TMPRSS2: variants seen among roughly 807,000 people sequenced by gnomAD.
The protein encoded by TMPRSS2 is transmembrane protease serine 2.
TMPRSS2 carries 59 observed loss-of-function variants against 67.4 expected under a neutral mutation model. The observed-to-expected ratio is 0.88, with a 90% CI of 0.71 to 1.09. The LOEUF (loss-of-function observed/expected upper bound fraction) is 1.09, where lower values mean the gene tolerates loss of function less well. Among genes scored for constraint, TMPRSS2 ranks in the 50% least tolerant of loss-of-function variants. The pLI is 0.00. For missense variants in TMPRSS2, 668 were observed against 642.7 expected (o/e 1.04, Z -0.43); for synonymous variants, 257 against 257.0 (o/e 1.00, Z 0.00).
At chr21:41,492,760 G>C (rs551122576) in intron 3 of TMPRSS2, among the ~76,000 whole-genome samples, 103 of 152,278 alleles carry the variant, frequency 6.8e-4, no homozygotes, top group Admixed American at 1.4e-3. Flanking sequence ...CCCAGGAAAC[G>C]TGGAAATGTG....
intron 4 of TMPRSS2, 79 bp from the exon 5 acceptor site, chr21:41,488,592 A>G: frequency 6.7e-7 from 1 of 1,488,248 alleles, no homozygotes; most frequent in African/African-American, 1.4e-5. Flanking sequence ...ACACCGTGGC[A>G]TTACTGTAGC....
At position 41,488,526 on chromosome 21, in the gene TMPRSS2, A is replaced by G. The variant is rs1216621147; in HGVS notation, c.326-13T>C. 1 of 1,608,484 alleles carries G rather than the reference A, an allele frequency of 6.2e-7. No homozygotes were observed. Among genetic ancestry groups the G allele is most frequent in the Admixed American group, 1.7e-5 (1 of 59,492 alleles). On this transcript the variant is annotated splice_polypyrimidine_tract_variant and intron_variant, in intron 4 of 13. Transcript: ENST00000332149. ...CACTTGCTGCCCACTTGCAGAGAAA[A>G]CAGAAGAGAGGTGCCCTTCAGGCTG...
rs776509121 is a variant in TMPRSS2, at chr21:41,478,705, G to A, written c.683+467C>T. On this transcript the variant is annotated intron_variant, in intron 7 of 13. Coordinates refer to ENST00000332149, the MANE Select transcript of TMPRSS2 (RefSeq NM_005656.4). The surrounding 1 kb of genome is among the most constrained non-coding windows in gnomAD (Gnocchi z 4.0). Reference sequence around the variant, plus strand: ...CTGCTGTCCCGGGGTTGGGGCTAACGGGACCAGCCAGCCCAGCTGCCTGGA... The same window carrying A: ...CTGCTGTCCCGGGGTTGGGGCTAACAGGACCAGCCAGCCCAGCTGCCTGGA... Among the ~76,000 whole-genome samples, 2 of 152,092 alleles carry A rather than the reference G, an allele frequency of 1.3e-5. No individual in the cohort carries two copies. The highest frequency in any genetic ancestry group is 1.3e-4 in the Admixed American group (2 of 15,278).
chr21:41,479,418 G>A (rs2091239868), intron 6 of TMPRSS2, 136 bp from the exon 7 acceptor site: 7 of 654,100 alleles, frequency 1.1e-5, no homozygotes, highest in South Asian at 8.4e-5. Flanking sequence ...AAAATCACAC[G>A]TTCTAACCAA....
intron 3 of TMPRSS2, among the ~76,000 whole-genome samples, chr21:41,493,706 G>A (rs2091356209): frequency 6.6e-6 from 1 of 152,232 alleles, no homozygotes; most frequent in South Asian, 2.1e-4. Flanking sequence ...GGGGCGGACT[G>A]GAAAGACATG....
chr21:41,489,974 C>T (rs550222907), intron 3 of TMPRSS2, among the ~76,000 whole-genome samples: 1 of 152,038 alleles, frequency 6.6e-6, no homozygotes, highest in Admixed American at 6.5e-5. Flanking sequence ...ATGGTGAAAC[C>T]TCGTCTCTAC....
At chr21:41,475,128 T>A in intron 8 of TMPRSS2, among the ~76,000 whole-genome samples, 1 of 7,882 alleles carries the variant, frequency 1.3e-4, no homozygotes, top group African/African-American at 1.1e-3. Flanking sequence ...GGTGAAGGGG[T>A]GAGTGAGGGA....
At chr21:41,472,132 T>C (rs1241203862) in intron 9 of TMPRSS2, 151 bp from the exon 10 acceptor site, 1 of 615,744 alleles carries the variant, frequency 1.6e-6, no homozygotes, top group South Asian at 2.8e-5. Context: ...AGGTGCTCGG[T>C]CTCCCCTTCT....
In TMPRSS2 at chr21:41,483,154, A is replaced by T. The variant is rs191353873; in HGVS notation, c.446-2552T>A. Among the ~76,000 whole-genome samples, 7 of 152,296 alleles carry T rather than the reference A, an allele frequency of 4.6e-5. No homozygotes were observed. The East Asian group carries it at 1.4e-3, about 29-fold the overall frequency. ...AATGAACGCACAGCACTGATGTGGGATGTTCATAACAGGGCAACTGTGTGC... is the reference window on the plus strand; with the variant it reads ...AATGAACGCACAGCACTGATGTGGGTTGTTCATAACAGGGCAACTGTGTGC... On this transcript the variant is annotated intron_variant, in intron 5 of 13. Transcript: ENST00000332149.
At chr21:41,502,013 A>C (rs924173095) in intron 1 of TMPRSS2, among the ~76,000 whole-genome samples, 2 of 152,222 alleles carry the variant, frequency 1.3e-5, no homozygotes, top group Non-Finnish European at 2.9e-5. Flanking sequence ...CCTGGCTGGC[A>C]GGGAGCTCTT....
At chr21:41,500,192 C>T (rs556371948) in intron 1 of TMPRSS2, among the ~76,000 whole-genome samples, 8 of 152,354 alleles carry the variant, frequency 5.3e-5, no homozygotes, top group Admixed American at 2.0e-4. Flanking sequence ...GCCTCAGTTT[C>T]CCCATCTGCA....
At chr21:41,477,909 A>C (rs2091227622) in intron 7 of TMPRSS2, among the ~76,000 whole-genome samples, 1 of 151,720 alleles carries the variant, frequency 6.6e-6, no homozygotes, top group South Asian at 2.1e-4. Context: ...GATAGAATAG[A>C]GCCTACCAGA....
At chr21:41,496,096 G>A (rs1417028569) in intron 2 of TMPRSS2, among the ~76,000 whole-genome samples, 1 of 152,106 alleles carries the variant, frequency 6.6e-6, no homozygotes. Flanking sequence ...TAATTATAAT[G>A]AGAAGAATAA....
intron 8 of TMPRSS2, 68 bp downstream of exon 8, chr21:41,476,509 T>G (rs1601571202): frequency 6.7e-7 from 1 of 1,493,844 alleles, no homozygotes; most frequent in East Asian, 2.3e-5. Flanking sequence ...ACACAGGGAG[T>G]ACTGTTCTGA....
chr21:41,503,917 C>T (rs1260147885), intron 1 of TMPRSS2, among the ~76,000 whole-genome samples: 2 of 152,202 alleles, frequency 1.3e-5, no homozygotes, highest in Non-Finnish European at 2.9e-5. Context: ...CCCTAGAAAG[C>T]ATGGTCTCCC....
chr21:41,495,044 G>A (rs1330638658), intron 2 of TMPRSS2, among the ~76,000 whole-genome samples: 1 of 147,002 alleles, frequency 6.8e-6, no homozygotes, highest in East Asian at 2.0e-4. Context: ...ACTCCAGCCT[G>A]GCGACAGAGC....
rs532085624 is a variant in TMPRSS2, at chr21:41,494,381, G to T, written c.213C>A (p.Ser71=). The change falls in exon 3 of 14, where the codon TCC becomes TCA. Residue 71 remains serine, a synonymous_variant. Coordinates refer to ENST00000332149, the MANE Select transcript of TMPRSS2 (RefSeq NM_005656.4). ...TTGAGGTGCACACTGTCCCGGATGG[G>T]GATTTGGGCTGCGTGCAGACGACGG... is the stretch of plus-strand genomic sequence containing the variant. ...SNPVVCTQPK[S]PSGTVCTSKT... 4.4e-5 allele frequency: 71 copies of T among 1,609,834 alleles called. 1 individual carries two copies. The South Asian group carries it at 7.6e-4, about 17-fold the overall frequency.
rs1446997369 is a variant in TMPRSS2 at position 41,470,811 on chromosome 21, C to T, written c.1076-68G>A. ...CCTATGTCTCCACCTGGCCTTCCCA[C>T]ATGCAGGCTGCTGGGCCTGGCACCC... On this transcript the variant is annotated intron_variant, in intron 10 of 13. Transcript: ENST00000332149. The T allele has an allele frequency of 2.8e-5, 39 of 1,390,560 alleles. No individual in the cohort carries two copies. In the Middle Eastern group the frequency reaches 1.7e-3, roughly 61 times the overall value. The allele number at this position is 1,390,560 out of a possible 1,614,324, so 86.1% of individuals were successfully genotyped here. A position where few individuals can be genotyped will look rare whatever the true frequency, so the allele number is the denominator to read the frequency against.
At chr21:41,506,004 A>G (rs1286447206) in intron 1 of TMPRSS2, among the ~76,000 whole-genome samples, 1 of 152,214 alleles carries the variant, frequency 6.6e-6, no homozygotes, top group Admixed American at 6.5e-5. Context: ...AGTTAAGTAC[A>G]TTATAAAGGG....
Sources: gnomAD v4.1 joint callset for allele counts (sites outside exome capture counted in the v4.1 genomes callset) on GRCh38, gnomAD v4.1.1 for gene constraint, Gnocchi (gnomAD v3.1) non-coding constraint, MANE v1.5 for transcripts, NCBI Gene and HGNC (gene_info 2026-07-23, HGNC 2026-07-21) for gene names.